SVOP: variants seen among roughly 807,000 people sequenced by gnomAD.
SVOP encodes the protein synaptic vesicle 2-related protein.
SVOP carries 17 observed loss-of-function variants against 69.1 expected under a neutral mutation model. The observed-to-expected ratio is 0.25, with a 90% confidence interval of 0.17 to 0.37. The LOEUF (loss-of-function observed/expected upper bound fraction) is 0.37, where lower values mean the gene tolerates loss of function less well. SVOP is among the 10% of genes least tolerant of loss of function. SVOP has a pLI of 1.00. For missense variants in SVOP, 435 were observed against 597.5 expected, an observed-to-expected ratio of 0.73 and a Z score of 2.84; for synonymous variants, 238 against 238.6, an observed-to-expected ratio of 1.00 and a Z score of 0.02.
intron 5 of SVOP, among the ~76,000 whole-genome samples, chr12:108,963,715 C>G (rs1247254968): frequency 6.6e-6 from 1 of 152,080 alleles, no homozygotes; most frequent in East Asian, 1.9e-4. Flanking sequence ...CCATGTTGCC[C>G]AGGCTGGTCT....
At chr12:108,981,914 GCATCACCACCACTATCATCACCAT>G (rs2040137173) in intron 2 of SVOP, among the ~76,000 whole-genome samples, 1 of 151,330 alleles carries the variant, frequency 6.6e-6, no homozygotes, top group East Asian at 1.9e-4. Context: ...TTCACTATCA[GCATCACCACCACTATCATCACCAT>G]CATCACCACC....
At chr12:109,011,423 T>G (rs940144831) in intron 1 of SVOP, among the ~76,000 whole-genome samples, 1 of 152,158 alleles carries the variant, frequency 6.6e-6, no homozygotes, top group East Asian at 1.9e-4. Flanking sequence ...CTGAAGTGAG[T>G]GACAATGATG....
chr12:109,008,960 CTTTTTTTTT>C (rs71079510), intron 1 of SVOP, among the ~76,000 whole-genome samples: 1 of 112,748 alleles, frequency 8.9e-6, no homozygotes, highest in Non-Finnish European at 1.8e-5. Context: ...TCTTTTCTTT[CTTTTTTTTT>C]TTTTTTTTTT....
chr12:108,931,684 A>G (rs927281923), intron 11 of SVOP, among the ~76,000 whole-genome samples: 2 of 151,986 alleles, frequency 1.3e-5, no homozygotes, highest in African/African-American at 4.8e-5. Flanking sequence ...AATACAAAAA[A>G]TTAGCTGGGC....
rs139178180 is a variant in SVOP, at chr12:108,920,156, G to A, written c.1157-370C>T. On this transcript the variant is annotated intron_variant, in intron 12 of 15. Transcript: ENST00000610966. Reference sequence around the variant, plus strand: ...CAACCATGTCAGTAAGCATGGGAGTGGATCCTGCCCCAGCTGAGCTTTCAG... The same window carrying A: ...CAACCATGTCAGTAAGCATGGGAGTAGATCCTGCCCCAGCTGAGCTTTCAG... 5.3e-5 allele frequency among the ~76,000 whole-genome samples: 8 copies of A among 152,304 alleles called. No homozygotes were observed. The East Asian group carries it at 1.5e-3, about 29-fold the overall frequency.
chr12:108,916,999 G>A (rs190978019), intron 14 of SVOP, among the ~76,000 whole-genome samples: 25 of 152,258 alleles, frequency 1.6e-4, no homozygotes, highest in African/African-American at 5.5e-4. Flanking sequence ...CACCTGCCTC[G>A]GCCTCCCGAA....
intron 1 of SVOP, among the ~76,000 whole-genome samples, chr12:109,003,551 G>A (rs1294553026): frequency 6.6e-6 from 1 of 152,178 alleles, no homozygotes; most frequent in Admixed American, 6.6e-5. Context: ...CCTTGAGTTT[G>A]GAGTACATTG....
Position 108,938,283 on chromosome 12 carries a change from G to A in SVOP, c.897+544C>T, listed in dbSNP as rs143512214. Among the ~76,000 whole-genome samples the A allele has an allele frequency of 2.6e-3, 397 of 152,240 alleles. 2 individuals carry two copies. The highest frequency in any genetic ancestry group is 9.2e-3 in the African/African-American group (382 of 41,528). On this transcript the variant is annotated intron_variant, in intron 9 of 15. Transcript: ENST00000610966. Reference sequence around the variant, plus strand: ...GGGCAGGGACTGCAGCCTTAAATCCGAATCTTTTCTCCCCATGTGTGCAAT... The same window carrying A: ...GGGCAGGGACTGCAGCCTTAAATCCAAATCTTTTCTCCCCATGTGTGCAAT...
chr12:108,929,990 AG>A (rs34949441), intron 11 of SVOP, among the ~76,000 whole-genome samples: 67,436 of 152,058 alleles, frequency 0.44, 18,085 homozygotes, highest in East Asian at 0.64. Flanking sequence ...TTTCCCACCC[AG>A]GTATAAGAGA....
intron 11 of SVOP, among the ~76,000 whole-genome samples, chr12:108,929,919 T>C (rs1343388176): frequency 6.6e-6 from 1 of 152,174 alleles, no homozygotes; most frequent in African/African-American, 2.4e-5. Context: ...GTGACACAGG[T>C]ACTTGGTGCT....
At chr12:108,920,700 C>A (rs751616986) in intron 12 of SVOP, among the ~76,000 whole-genome samples, 1 of 148,526 alleles carries the variant, frequency 6.7e-6, no homozygotes, top group African/African-American at 2.5e-5. Flanking sequence ...TGGGTTCAAG[C>A]GATTCCTGTG....
intron 11 of SVOP, among the ~76,000 whole-genome samples, chr12:108,930,404 CT>C (rs2039809489): frequency 6.8e-6 from 1 of 147,998 alleles, no homozygotes; most frequent in South Asian, 2.2e-4. Flanking sequence ...CAGTGTTTGC[CT>C]TATTTGAATA....
intron 1 of SVOP, among the ~76,000 whole-genome samples, chr12:109,017,188 C>T (rs898612301): frequency 1.3e-5 from 2 of 152,092 alleles, no homozygotes; most frequent in African/African-American, 4.8e-5. Flanking sequence ...CATTACCGCC[C>T]AAGCTCCACC....
intron 14 of SVOP, among the ~76,000 whole-genome samples, chr12:108,917,505 T>C (rs904745292): frequency 6.6e-6 from 1 of 152,222 alleles, no homozygotes; most frequent in African/African-American, 2.4e-5. Context: ...TTCCCAGATA[T>C]GTTCAAAAAT....
At chr12:108,912,865 G>T in intron 15 of SVOP, 124 bp from the exon 16 acceptor site, 4 of 994,178 alleles carry the variant, frequency 4.0e-6, no homozygotes, top group South Asian at 1.6e-5. Flanking sequence ...AGGATCTGGT[G>T]ATTCCCTCCT....
intron 12 of SVOP, among the ~76,000 whole-genome samples, chr12:108,920,905 A>G (rs972533010): frequency 1.3e-5 from 2 of 152,092 alleles, no homozygotes; most frequent in African/African-American, 4.8e-5. Flanking sequence ...CCCCATTTTT[A>G]CATCCATAAT....
At chr12:109,005,365 T>C (rs2040300204) in intron 1 of SVOP, among the ~76,000 whole-genome samples, 1 of 152,144 alleles carries the variant, frequency 6.6e-6, no homozygotes, top group South Asian at 2.1e-4. Flanking sequence ...AGGGTAGCCA[T>C]GGAGATCATA....
rs1483947338 is a variant in SVOP at position 108,981,985 on chromosome 12, TTCA to T, written c.196+1613_196+1615del. Among the ~76,000 whole-genome samples, 6 of 143,908 alleles carry T rather than the reference TTCA, an allele frequency of 4.2e-5. No homozygotes were observed. The South Asian group carries it at 1.4e-3, about 33-fold the overall frequency. The allele number at this position is 143,908 out of a possible 152,430, so 94.4% of individuals were successfully genotyped here. ...CTTCATCATCATCACCACCATCATCTTCATCATCACCACCATCATCACTACCAT... is the reference window on the plus strand; with the variant it reads ...CTTCATCATCATCACCACCATCATCTTCATCACCACCATCATCACTACCAT... On this transcript the variant is annotated intron_variant, in intron 2 of 15. Transcript: ENST00000610966.
chr12:108,999,767 G>A (rs1440772970), intron 1 of SVOP, among the ~76,000 whole-genome samples: 2 of 148,890 alleles, frequency 1.3e-5, no homozygotes, highest in Admixed American at 6.7e-5. Flanking sequence ...AAACCAACGA[G>A]AACAAAGACA....
Sources: allele counts gnomAD v4.1 joint callset (sites outside exome capture counted in the v4.1 genomes callset), GRCh38; gene constraint gnomAD v4.1.1; transcripts MANE v1.5; gene names NCBI Gene and HGNC (gene_info 2026-07-23, HGNC 2026-07-21).